The following PAAF1 variants were observed in gnomAD, a reference collection of about 807,000 sequenced individuals.
PAAF1 encodes the protein proteasomal ATPase associated factor 1.
In PAAF1, 46 loss-of-function variants were observed where a neutral mutation model predicts 52.8. The observed-to-expected ratio is 0.87, with a 90% CI of 0.69 to 1.11. The LOEUF (loss-of-function observed/expected upper bound fraction) is 1.11. Ranked by LOEUF, PAAF1 falls within the 50% of genes most tolerant of loss-of-function variation. The pLI is 0.00. For missense variants in PAAF1, 424 were observed against 477.4 expected (o/e 0.89, Z 1.04); for synonymous variants, 178 against 172.8 (o/e 1.03, Z -0.24).
intron 2 of PAAF1, chr11:73,879,768 G>A (rs1948841800): frequency 6.6e-6 from 1 of 151,864 alleles, no homozygotes; most frequent in East Asian, 1.9e-4. Context: ...AGCTACTTGG[G>A]AGGCTGCAAT....
At chr11:73,914,266 A>G (rs933085239) in intron 7 of PAAF1, 147 bp from the exon 8 acceptor site, 19 of 614,862 alleles carry the variant, frequency 3.1e-5, no homozygotes, top group African/African-American at 2.6e-4. Flanking sequence ...AAATAATACC[A>G]CAGTGAGATA....
intron 10 of PAAF1, among the ~76,000 whole-genome samples, chr11:73,919,534 G>A (rs1950153347): frequency 6.6e-6 from 1 of 152,220 alleles, no homozygotes; most frequent in Non-Finnish European, 1.5e-5. Flanking sequence ...CATAGATGAG[G>A]CAAGCGGGGG....
At position 73,929,982 on chromosome 11, in the gene PAAF1, G is replaced by C. The variant is rs2135248094; in HGVS notation, c.*2620G>C. ...GAGGCAGGAGAATCACTTGATCCCGGGAGGCAGAGGTTGTGGTGGGCTGAG... is the reference window on the plus strand; with the variant it reads ...GAGGCAGGAGAATCACTTGATCCCGCGAGGCAGAGGTTGTGGTGGGCTGAG... On this transcript the variant is annotated 3_prime_UTR_variant, in exon 12 of 12. Transcript: ENST00000310571. The C allele has an allele frequency of 6.6e-6, 1 of 152,434 alleles. No individual in the cohort carries two copies. The highest frequency in any genetic ancestry group is 3.4e-3 in the Middle Eastern group (1 of 296). 9.4% of individuals were successfully genotyped at this position (152,434 alleles called of 1,614,324 possible).
At chr11:73,886,763 A>G (rs1949070787) in intron 2 of PAAF1, among the ~76,000 whole-genome samples, 1 of 149,032 alleles carries the variant, frequency 6.7e-6, no homozygotes, top group Non-Finnish European at 1.5e-5. Context: ...TATAGTGTGT[A>G]TGTTTGACCC....
In PAAF1 at chr11:73,909,586, G is replaced by A; in HGVS notation, c.720G>A (p.Gln240=). The change falls in exon 7 of 12, where the codon CAG becomes CAA. Residue 240 remains glutamine (Q), a synonymous_variant. Coordinates refer to ENST00000310571, the MANE Select transcript of PAAF1 (RefSeq NM_025155.3). ...DNSINLGSPE[Q]MPSEREVGTE... is the part of the protein sequence containing the mutation. ...CCATAAACCTTGGCTCCCCTGAGCA[G>A]ATGCCCAGTAAGTTGATAATGATAT... is the stretch of plus-strand genomic sequence containing the variant. 1 of 1,613,920 alleles carries A rather than the reference G, an allele frequency of 6.2e-7. No homozygotes were observed. Among genetic ancestry groups the A allele is most frequent in the Non-Finnish European group, 8.5e-7 (1 of 1,179,866 alleles).
rs886096470 is a variant in PAAF1, at chr11:73,928,998, T to G, written c.*1636T>G. On this transcript the variant is annotated 3_prime_UTR_variant, in exon 12 of 12. Coordinates refer to ENST00000310571, the MANE Select transcript of PAAF1 (RefSeq NM_025155.3). ...CCTCCCAAAGTGCTGGGATTACAGGTGTGAGCCACCGTACCCGGCCGGCCA... is the reference window on the plus strand; with the variant it reads ...CCTCCCAAAGTGCTGGGATTACAGGGGTGAGCCACCGTACCCGGCCGGCCA... The G allele has an allele frequency of 1.3e-5, 2 of 151,882 alleles. No individual in the cohort carries two copies. The highest frequency in any genetic ancestry group is 2.9e-5 in the Non-Finnish European group (2 of 68,010). The allele number at this position is 151,882 out of a possible 1,614,324, so 9.4% of individuals were successfully genotyped here. A position where few individuals can be genotyped will look rare whatever the true frequency, so the allele number is the denominator to read the frequency against.
intron 11 of PAAF1, 104 bp from the exon 12 acceptor site, chr11:73,927,181 C>G: frequency 3.5e-6 from 3 of 856,308 alleles, no homozygotes; most frequent in Non-Finnish European, 5.8e-6. Flanking sequence ...TTCATAAAGC[C>G]TTCTCAGACT....
chr11:73,912,394 A>G (rs1298580985), intron 7 of PAAF1, among the ~76,000 whole-genome samples: 1 of 151,976 alleles, frequency 6.6e-6, no homozygotes, highest in Non-Finnish European at 1.5e-5. Flanking sequence ...CTATCTACCC[A>G]TTTGCTCAAG....
intron 8 of PAAF1, among the ~76,000 whole-genome samples, chr11:73,915,009 A>AG (rs1950026865): frequency 6.6e-6 from 1 of 152,080 alleles, no homozygotes; most frequent in African/African-American, 2.4e-5. Flanking sequence ...CCAGCCCTGA[A>AG]TCCCAGTTCT....
rs1350592218 is a variant in PAAF1 at position 73,926,289 on chromosome 11, A to G, written c.1102-996A>G. Among the ~76,000 whole-genome samples the G allele has an allele frequency of 2.6e-5, 4 of 152,256 alleles. No individual in the cohort carries two copies. In the East Asian group the frequency reaches 5.8e-4, roughly 22 times the overall value. The stretch of plus-strand genomic sequence containing the variant: ...ACCCGGCTAATTTTGTATTTTTAGT[A>G]GAGACGAGGTTTCTCCATGTTGGTC... On this transcript the variant is annotated intron_variant, in intron 11 of 11. Transcript: ENST00000310571.
intron 2 of PAAF1, among the ~76,000 whole-genome samples, chr11:73,882,803 C>T (rs1269945522): frequency 6.6e-6 from 1 of 152,262 alleles, no homozygotes; most frequent in African/African-American, 2.4e-5. Context: ...CGGGGTTTCA[C>T]CGTGTTAAGC....
At chr11:73,911,264 C>A (rs566480906) in intron 7 of PAAF1, among the ~76,000 whole-genome samples, 2 of 152,202 alleles carry the variant, frequency 1.3e-5, no homozygotes, top group South Asian at 2.1e-4. Context: ...CCCTAATAAT[C>A]CTCTGTACTC....
chr11:73,909,393 T>C lies in PAAF1; in HGVS notation c.533-6T>C, dbSNP rs536684710. On this transcript the variant is annotated splice_polypyrimidine_tract_variant and splice_region_variant and intron_variant, in intron 6 of 11. Transcript: ENST00000310571. ...TCCATCTTAGGGAGTTTTTTTCTCT[T>C]GCTAGGTATCCTGGATACAGCCATC... is the stretch of plus-strand genomic sequence containing the variant. 1.9e-5 allele frequency: 31 copies of C among 1,613,630 alleles called. No homozygotes were observed. Among genetic ancestry groups the C allele is most frequent in the African/African-American group, 1.5e-4 (11 of 75,008 alleles).
chr11:73,902,842 A>G (rs887031684), intron 6 of PAAF1, among the ~76,000 whole-genome samples: 4 of 152,148 alleles, frequency 2.6e-5, no homozygotes. Context: ...GATTACAGGC[A>G]TGCGCCACCA....
chr11:73,925,773 T>G (rs1950337684), intron 11 of PAAF1, among the ~76,000 whole-genome samples: 1 of 152,156 alleles, frequency 6.6e-6, no homozygotes, highest in African/African-American at 2.4e-5. Context: ...CTATTCCTAT[T>G]TTTTCCTATA....
intron 6 of PAAF1, among the ~76,000 whole-genome samples, chr11:73,902,682 A>T (rs963491203): frequency 1.3e-5 from 2 of 151,994 alleles, no homozygotes; most frequent in Admixed American, 6.6e-5. Flanking sequence ...TAAATAGTAG[A>T]ATGTTATTTA....
chr11:73,885,804 T>G (rs1042574077), intron 2 of PAAF1, among the ~76,000 whole-genome samples: 21 of 149,652 alleles, frequency 1.4e-4, no homozygotes, highest in African/African-American at 5.0e-4. Context: ...ATCACGCCAT[T>G]GTACTCCAGC....
chr11:73,880,194 C>CGTAG (rs1948853690), intron 2 of PAAF1: 1 of 151,900 alleles, frequency 6.6e-6, no homozygotes, highest in East Asian at 1.9e-4. Flanking sequence ...GGACCTCCTA[C>CGTAG]CCTGGACAAG....
chr11:73,898,217 GGAGGGAGAGGGAGAGGGA>G (rs751469770), intron 4 of PAAF1, among the ~76,000 whole-genome samples: 3 of 133,840 alleles, frequency 2.2e-5, no homozygotes, highest in African/African-American at 5.6e-5. Flanking sequence ...AGGGGAAGGG[GGAGGGAGAGGGAGAGGGA>G]GAGGGAGAGG....
Sources: allele counts gnomAD v4.1 joint callset (sites outside exome capture counted in the v4.1 genomes callset), GRCh38; gene constraint gnomAD v4.1.1; transcripts MANE v1.5; gene names NCBI Gene and HGNC (gene_info 2026-07-23, HGNC 2026-07-21).